RABEP1: variants seen among roughly 807,000 people sequenced by gnomAD.
RABEP1 encodes the protein rabaptin, RAB GTPase binding effector protein 1, also known as rab GTPase-binding effector protein 1.
Under a neutral mutation model 123.4 loss-of-function variants are expected in RABEP1, and 51 were observed. That is an observed-to-expected ratio of 0.41 (90% CI 0.33 to 0.52). RABEP1 has a LOEUF of 0.52. RABEP1 is among the 20% of genes least tolerant of loss of function. The probability of loss-of-function intolerance (pLI) is 0.16; values close to 1 mark genes in which losing one functional copy is unlikely to be tolerated. For missense variants in RABEP1, 888 were observed against 996.3 expected (o/e 0.89, Z 1.46); for synonymous variants, 347 against 355.2 (o/e 0.98, Z 0.26).
At chr17:5,344,771 CAAAAAAAAAAAAAAA>C (rs1177790100) in intron 5 of RABEP1, among the ~76,000 whole-genome samples, 1 of 46,938 alleles carries the variant, frequency 2.1e-5, no homozygotes, top group Non-Finnish European at 3.7e-5. Context: ...GACACTGTCT[CAAAAAAAAAAAAAAA>C]AAAAAAAAAG....
At chr17:5,329,401 C>T (rs188619144) in intron 2 of RABEP1, among the ~76,000 whole-genome samples, 23 of 152,192 alleles carry the variant, frequency 1.5e-4, no homozygotes, top group East Asian at 5.8e-4. Flanking sequence ...CGTGGTGGCA[C>T]GCGCCTGTAA....
chr17:5,297,144 G>A (rs1309559654), intron 1 of RABEP1, among the ~76,000 whole-genome samples: 1 of 151,884 alleles, frequency 6.6e-6, no homozygotes, highest in Admixed American at 6.6e-5. Context: ...ACATATCTAT[G>A]ATTATTTCCT....
At chr17:5,313,605 G>A (rs573132369) in intron 2 of RABEP1, among the ~76,000 whole-genome samples, 1 of 152,274 alleles carries the variant, frequency 6.6e-6, no homozygotes, top group African/African-American at 2.4e-5. Context: ...GTGAATTAAA[G>A]AGCTTGTAAC....
chr17:5,359,326 G>A (rs547449931), intron 8 of RABEP1, among the ~76,000 whole-genome samples: 23 of 152,074 alleles, frequency 1.5e-4, no homozygotes, highest in Non-Finnish European at 2.2e-4. Flanking sequence ...TGCCCGCCTC[G>A]GCCTCCCAAA....
intron 2 of RABEP1, among the ~76,000 whole-genome samples, chr17:5,311,240 A>G (rs1012680613): frequency 2.0e-5 from 3 of 152,176 alleles, no homozygotes; most frequent in Non-Finnish European, 4.4e-5. Flanking sequence ...CAGTTGGCGG[A>G]GATGTTACTG....
intron 17 of RABEP1, among the ~76,000 whole-genome samples, chr17:5,381,999 G>A (rs982361651): frequency 3.9e-5 from 6 of 151,934 alleles, no homozygotes; most frequent in African/African-American, 1.2e-4. Context: ...ATGCTCCCTC[G>A]GGCACTCTAT....
chr17:5,320,296 A>C (rs1247305545), intron 2 of RABEP1, among the ~76,000 whole-genome samples: 1 of 152,068 alleles, frequency 6.6e-6, no homozygotes, highest in East Asian at 1.9e-4. Context: ...TTATCCTTCA[A>C]ATATGAAGGA....
intron 5 of RABEP1, among the ~76,000 whole-genome samples, chr17:5,345,557 CA>C (rs1228754630): frequency 1.4e-4 from 21 of 152,276 alleles, no homozygotes; most frequent in Non-Finnish European, 2.4e-4. Context: ...TATATACCAC[CA>C]TTTTAAATCT....
In RABEP1 at chr17:5,361,473, C is replaced by T. The variant is rs1390475334; in HGVS notation, c.1361C>T (p.Thr454Ile). 1.2e-6 allele frequency: 2 copies of T among 1,614,184 alleles called. No individual in the cohort carries two copies. The highest frequency in any genetic ancestry group is 1.7e-6 in the Non-Finnish European group (2 of 1,180,038). Residue 454 changes from threonine to isoleucine, a missense_variant, in exon 9 of 18, where the codon ACT becomes ATT. By Grantham distance (89) the Thr-to-Ile change is moderately conservative. Coordinates refer to ENST00000537505, the MANE Select transcript of RABEP1 (RefSeq NM_004703.6). ...GADSVSENFDTASLGSLQMPS... is the reference protein window; with the variant it reads ...GADSVSENFDIASLGSLQMPS... Reference sequence around the variant, plus strand: ...GATTCAGTGTCTGAGAACTTTGATACTGCATCCCTTGGGTCACTCCAGATG... The same window carrying T: ...GATTCAGTGTCTGAGAACTTTGATATTGCATCCCTTGGGTCACTCCAGATG...
At chr17:5,379,757 A>G (rs1911297957) in intron 15 of RABEP1, among the ~76,000 whole-genome samples, 1 of 152,180 alleles carries the variant, frequency 6.6e-6, no homozygotes, top group South Asian at 2.1e-4. Context: ...TCAAGGTGAT[A>G]TTTAAACATT....
intron 1 of RABEP1, among the ~76,000 whole-genome samples, chr17:5,285,295 T>C (rs563907987): frequency 4.6e-5 from 7 of 151,982 alleles, no homozygotes; most frequent in African/African-American, 1.7e-4. Flanking sequence ...TTCACTTTTT[T>C]TCTTTTTTTT....
intron 13 of RABEP1, among the ~76,000 whole-genome samples, chr17:5,374,527 C>T (rs1271808307): frequency 6.6e-6 from 1 of 152,034 alleles, no homozygotes; most frequent in Non-Finnish European, 1.5e-5. Flanking sequence ...ACCTCCGCCT[C>T]CTGGGTTCAA....
chr17:5,350,008 C>T (rs200085693), intron 6 of RABEP1, among the ~76,000 whole-genome samples: 319 of 152,170 alleles, frequency 2.1e-3, no homozygotes, highest in East Asian at 0.012. Context: ...ATAGGTTGCC[C>T]CTTGGTCCAG....
chr17:5,292,625 C>G (rs1221531670), intron 1 of RABEP1, among the ~76,000 whole-genome samples: 1 of 152,060 alleles, frequency 6.6e-6, no homozygotes, highest in African/African-American at 2.4e-5. Flanking sequence ...CTCATGTGAT[C>G]CACCCACCTT....
At chr17:5,346,029 A>G (rs540843981) in intron 5 of RABEP1, among the ~76,000 whole-genome samples, 2 of 152,120 alleles carry the variant, frequency 1.3e-5, no homozygotes, top group African/African-American at 2.4e-5. Context: ...CACTTAATTG[A>G]TCAACAGAAA....
At chr17:5,321,956 T>C (rs987460136) in intron 2 of RABEP1, among the ~76,000 whole-genome samples, 1 of 152,180 alleles carries the variant, frequency 6.6e-6, no homozygotes, top group Non-Finnish European at 1.5e-5. Context: ...CCCAGCACTT[T>C]GGGAGGCCAG....
At chr17:5,358,007 GA>G (rs898478728) in intron 8 of RABEP1, among the ~76,000 whole-genome samples, 32 of 152,288 alleles carry the variant, frequency 2.1e-4, no homozygotes, top group African/African-American at 6.5e-4. Flanking sequence ...TAGGGCAGGG[GA>G]AATACTGGCT....
intron 5 of RABEP1, among the ~76,000 whole-genome samples, chr17:5,341,889 GGGCTATTTA>G (rs1278842046): frequency 1.3e-5 from 2 of 152,158 alleles, no homozygotes; most frequent in Non-Finnish European, 2.9e-5. Flanking sequence ...ACTTAGTAAA[GGGCTATTTA>G]TCAAACCTTT....
chr17:5,377,501 A>T (rs1003850991), intron 14 of RABEP1, among the ~76,000 whole-genome samples, 196 bp downstream of exon 14: 5 of 151,570 alleles, frequency 3.3e-5, no homozygotes, highest in Non-Finnish European at 5.9e-5. Context: ...AATAATCAGA[A>T]ATTCTGGTTA....
Sources: gnomAD v4.1 joint callset for allele counts (sites outside exome capture counted in the v4.1 genomes callset) on GRCh38, gnomAD v4.1.1 for gene constraint, MANE v1.5 for transcripts, NCBI Gene and HGNC (gene_info 2026-07-23, HGNC 2026-07-21) for gene names.